SPAM1: variants seen among roughly 807,000 people sequenced by gnomAD.
The protein encoded by SPAM1 is sperm adhesion molecule 1, also known as hyaluronidase PH-20.
Under a neutral mutation model 29.6 loss-of-function variants are expected in SPAM1, and 22 were observed. The observed-to-expected ratio is 0.74, with a 90% CI of 0.53 to 1.06. The LOEUF is 1.06. SPAM1 is among the 50% of genes least tolerant of loss of function. The pLI is 0.00. For missense variants in SPAM1, 534 were observed against 604.0 expected (o/e 0.88, Z 1.21); for synonymous variants, 194 against 204.6 (o/e 0.95, Z 0.44).
chr7:123,954,376 A>G lies in SPAM1; in HGVS notation c.806A>G (p.Gln269Arg). ...CCATCCATTTATTTGAACACTCAGC[A>G]GTCTCCTGTAGCTGCTACACTCTAT... is the stretch of plus-strand genomic sequence containing the variant. ...LYPSIYLNTQ[Q>R]SPVAATLYVR... Residue 269 changes from glutamine (Q) to arginine (R), a missense_variant, in exon 3 of 5, where the codon CAG becomes CGG. Coordinates refer to ENST00000682466, the MANE Select transcript of SPAM1 (RefSeq NM_153189.3). 6.2e-7 allele frequency: 1 copy of G among 1,613,512 alleles called. No individual in the cohort carries two copies.
rs924858390 is a variant in SPAM1, at chr7:123,960,016, C to G, written c.*47C>G. ...AACAATATGTCCATCTTAAAGTGTG[C>G]TTTTTCGACTAATTAAATCTTTGAA... On this transcript the variant is annotated 3_prime_UTR_variant, in exon 5 of 5. Coordinates refer to ENST00000682466, the MANE Select transcript of SPAM1 (RefSeq NM_153189.3). 2 of 1,523,232 alleles carry G rather than the reference C, an allele frequency of 1.3e-6. No homozygotes were observed. The highest frequency in any genetic ancestry group is 1.7e-6 in the Non-Finnish European group (2 of 1,144,380). 94.4% of individuals were successfully genotyped at this position (1,523,232 alleles called of 1,614,324 possible). A position where few individuals can be genotyped will look rare whatever the true frequency, so the allele number is the denominator to read the frequency against.
Position 123,959,811 on chromosome 7 carries a change from T to C in SPAM1, c.1372T>C (p.Cys458Arg), listed in dbSNP as rs1363637548. The change falls in exon 5 of 5, where the codon TGT becomes CGT. Residue 458 changes from cysteine to arginine, a missense_variant. Cys to Arg is a radical substitution (Grantham distance 180, BLOSUM62 -3). Transcript: ENST00000682466. ...AAAAGACACTGATGCTGTTGATGTG[T>C]GTATTGCTGATGGTGTCTGTATAGA... ...DVKDTDAVDV[C>R]IADGVCIDAF... 1.9e-6 allele frequency: 3 copies of C among 1,613,248 alleles called. No individual in the cohort carries two copies. The highest frequency in any genetic ancestry group is 3.3e-4 in the Middle Eastern group (2 of 6,050).
intron 1 of SPAM1, among the ~76,000 whole-genome samples, chr7:123,939,137 G>C (rs948313119): frequency 6.7e-6 from 1 of 148,370 alleles, no homozygotes; most frequent in Non-Finnish European, 1.5e-5. Flanking sequence ...CCAGGCTGGA[G>C]TGCAGTGGTG....
rs147745114 is a variant in SPAM1, at chr7:123,954,418, G to A, written c.848G>A (p.Arg283Gln). Residue 283 changes from arginine (R) to glutamine (Q), a missense_variant, in exon 3 of 5, where the codon CGG becomes CAG. Physicochemically the swap from Arg to Gln is conservative, Grantham distance 43. Coordinates refer to ENST00000682466, the MANE Select transcript of SPAM1 (RefSeq NM_153189.3). Reference sequence around the variant, plus strand: ...ACACTCTATGTGCGCAATCGAGTTCGGGAAGCCATCAGAGTTTCCAAAATA... The same window carrying A: ...ACACTCTATGTGCGCAATCGAGTTCAGGAAGCCATCAGAGTTTCCAAAATA... ...AATLYVRNRV[R>Q]EAIRVSKIPD... 6.2e-7 allele frequency: 1 copy of A among 1,613,358 alleles called. No individual in the cohort carries two copies. Among genetic ancestry groups the A allele is most frequent in the South Asian group, 1.1e-5 (1 of 91,048 alleles).
chr7:123,949,216 C>G (rs775184174), intron 1 of SPAM1, among the ~76,000 whole-genome samples: 1 of 152,076 alleles, frequency 6.6e-6, no homozygotes, highest in African/African-American at 2.4e-5. Context: ...AGCTGAGATT[C>G]AAGTTTGTTC....
intron 1 of SPAM1, among the ~76,000 whole-genome samples, chr7:123,932,879 T>C (rs1584947161): frequency 6.6e-6 from 1 of 151,976 alleles, no homozygotes; most frequent in African/African-American, 2.4e-5. Flanking sequence ...ACCTCTGGAG[T>C]GCGCAGGGTG....
chr7:123,960,368 C>A (rs538911745), downstream of SPAM1, among the ~76,000 whole-genome samples: 1 of 152,000 alleles, frequency 6.6e-6, no homozygotes, highest in South Asian at 2.1e-4. Flanking sequence ...TCAATACAAG[C>A]CATCAGTAAC....
In SPAM1 at chr7:123,954,033, G is replaced by A. The variant is rs764517940; in HGVS notation, c.463G>A (p.Ala155Thr). 1.3e-5 allele frequency: 21 copies of A among 1,613,468 alleles called. No individual in the cohort carries two copies. The East Asian group carries it at 2.9e-4, about 22-fold the overall frequency. Residue 155 changes from alanine (A) to threonine (T), a missense_variant, in exon 3 of 5, where the codon GCA (alanine) becomes ACA (threonine). By Grantham distance (58) the Ala-to-Thr change is moderately conservative. Transcript: ENST00000682466. ...CTGGGAAGAATGGAGACCCACTTGG[G>A]CAAGAAACTGGAAACCTAAAGATGT... ...IDWEEWRPTW[A>T]RNWKPKDVYK...
intron 2 of SPAM1, 64 bp downstream of exon 2, chr7:123,950,047 T>A (rs1316363337): frequency 6.6e-6 from 1 of 151,920 alleles, no homozygotes; most frequent in Admixed American, 6.6e-5. Context: ...TAAGAAGGAA[T>A]TATCTGCACA....
chr7:123,946,949 G>A (rs532502625), intron 1 of SPAM1, among the ~76,000 whole-genome samples: 2 of 152,164 alleles, frequency 1.3e-5, no homozygotes, highest in African/African-American at 2.4e-5. Flanking sequence ...AGCTTATTTA[G>A]GAATAAAATG....
At chr7:123,938,672 T>C (rs1808331407) in intron 1 of SPAM1, among the ~76,000 whole-genome samples, 1 of 152,196 alleles carries the variant, frequency 6.6e-6, no homozygotes, top group Non-Finnish European at 1.5e-5. Flanking sequence ...ACTATGACTT[T>C]GGCAAATCAT....
At chr7:123,939,342 T>C (rs575673010) in intron 1 of SPAM1, among the ~76,000 whole-genome samples, 1 of 152,048 alleles carries the variant, frequency 6.6e-6, no homozygotes, top group South Asian at 2.1e-4. Context: ...GCCTCGGCCT[T>C]CCTAAAGTGC....
intron 1 of SPAM1, among the ~76,000 whole-genome samples, chr7:123,948,014 A>G (rs1808640726): frequency 6.6e-6 from 1 of 152,122 alleles, no homozygotes; most frequent in African/African-American, 2.4e-5. Context: ...ATAAAGGGGA[A>G]GGAAAAAAGA....
chr7:123,970,306 T>C, intron 6 of SPAM1: 3 of 1,528,704 alleles, frequency 2.0e-6, no homozygotes, highest in South Asian at 1.2e-5. Context: ...GGTGACTATC[T>C]TCTCCTTGTG....
intron 1 of SPAM1, among the ~76,000 whole-genome samples, chr7:123,934,940 GT>G (rs1182333355): frequency 4.6e-5 from 7 of 152,070 alleles, no homozygotes; most frequent in Admixed American, 4.6e-4. Flanking sequence ...ACAATTTATT[GT>G]GACTATAGTT....
At chr7:123,959,349 A>G (rs1424966416) in intron 4 of SPAM1, 135 bp from the exon 5 acceptor site, 2 of 628,008 alleles carry the variant, frequency 3.2e-6, no homozygotes, top group Non-Finnish European at 5.4e-6. Flanking sequence ...TTAAGGTAAA[A>G]AAGAAATTAT....
chr7:123,970,091 T>C, intron 5 of SPAM1: 1 of 1,137,102 alleles, frequency 8.8e-7, no homozygotes. Context: ...AGTCTCCTGG[T>C]ATTTATTCTG....
At chr7:123,946,692 GT>G (rs1317173179) in intron 1 of SPAM1, among the ~76,000 whole-genome samples, 1 of 152,144 alleles carries the variant, frequency 6.6e-6, no homozygotes, top group African/African-American at 2.4e-5. Flanking sequence ...CAAATTATAA[GT>G]AGATAAGAGA....
At chr7:123,971,195 T>G (rs970775701) in exon 7 of SPAM1, 11 of 152,102 alleles carry the variant, frequency 7.2e-5, no homozygotes, top group African/African-American at 2.7e-4. Context: ...AGCCTATCAA[T>G]TTTCTTCCAG....
Sources: gnomAD v4.1 joint callset for allele counts (sites outside exome capture counted in the v4.1 genomes callset) on GRCh38, gnomAD v4.1.1 for gene constraint, MANE v1.5 for transcripts, NCBI Gene and HGNC (gene_info 2026-07-23, HGNC 2026-07-21) for gene names.